CCM2: variants seen among roughly 807,000 people sequenced by gnomAD.
The protein encoded by CCM2 is CCM2 scaffold protein, also known as cerebral cavernous malformations 2 protein.
In CCM2, 25 loss-of-function variants were observed where a neutral mutation model predicts 44.9. That is an observed-to-expected ratio of 0.56 (90% CI 0.41 to 0.78). CCM2 has a LOEUF of 0.78. Ranked by LOEUF, CCM2 falls within the 30% of genes least tolerant of loss-of-function variation. The probability of loss-of-function intolerance (pLI) is 0.00; values close to 1 mark genes in which losing one functional copy is unlikely to be tolerated. For synonymous variants in CCM2, 219 were observed against 241.1 expected (o/e 0.91, Z 0.85); for missense variants, 481 against 580.6 (o/e 0.83, Z 1.76).
chr7:45,036,145 A>G (rs1797207551), intron 1 of CCM2, among the ~76,000 whole-genome samples: 1 of 152,002 alleles, frequency 6.6e-6, no homozygotes, highest in Non-Finnish European at 1.5e-5. Context: ...GAGAGCTGGC[A>G]AAGGGTGCGT....
chr7:45,051,163 G>T (rs1015886122), intron 2 of CCM2, among the ~76,000 whole-genome samples: 3 of 152,102 alleles, frequency 2.0e-5, no homozygotes, highest in Admixed American at 6.5e-5. Flanking sequence ...CTTCTCCAGA[G>T]GCATTTGGTC....
chr7:45,056,561 A>G (rs1037926566), intron 2 of CCM2, among the ~76,000 whole-genome samples: 3 of 152,180 alleles, frequency 2.0e-5, no homozygotes, highest in Non-Finnish European at 4.4e-5. Flanking sequence ...TTTGATTTGC[A>G]TTTCCCTAAT....
intron 9 of CCM2, among the ~76,000 whole-genome samples, chr7:45,074,946 G>A (rs879763456): frequency 1.1e-4 from 17 of 152,190 alleles, no homozygotes; most frequent in Non-Finnish European, 2.2e-4. Flanking sequence ...TCCCTCTGCC[G>A]ACACTTAGAA....
At chr7:45,024,100 C>T (rs113763739) in intron 1 of CCM2, among the ~76,000 whole-genome samples, 5,266 of 152,148 alleles carry the variant, frequency 0.035, 306 homozygotes, top group African/African-American at 0.12. Flanking sequence ...CATGAGCCAC[C>T]GCACCCGGCC....
At chr7:45,045,926 A>AT (rs1217819083) in intron 2 of CCM2, among the ~76,000 whole-genome samples, 1 of 152,260 alleles carries the variant, frequency 6.6e-6, no homozygotes, top group African/African-American at 2.4e-5. Context: ...ATCTTACAAA[A>AT]CATGAATAAG....
At chr7:45,030,118 C>G (rs188151764) in intron 1 of CCM2, among the ~76,000 whole-genome samples, 1 of 152,162 alleles carries the variant, frequency 6.6e-6, no homozygotes, top group Non-Finnish European at 1.5e-5. Flanking sequence ...TCAGGAGAGA[C>G]TTAGGCTGGG....
At chr7:45,056,498 TAAAAG>T (rs1798269538) in intron 2 of CCM2, among the ~76,000 whole-genome samples, 1 of 152,166 alleles carries the variant, frequency 6.6e-6, no homozygotes, top group African/African-American at 2.4e-5. Context: ...CCGTCACTAT[TAAAAG>T]AAAAAAGTAG....
At position 45,073,287 on chromosome 7, in the gene CCM2, A is replaced by G. The variant is rs760728489; in HGVS notation, c.804-173A>G. 140 of 643,152 alleles carry G rather than the reference A, an allele frequency of 2.2e-4. 1 individual carries two copies. Among genetic ancestry groups the G allele is most frequent in the Non-Finnish European group, 3.5e-4 (123 of 352,514 alleles). The allele number at this position is 643,152 out of a possible 1,614,324, so 39.8% of individuals were successfully genotyped here. ...CCCGGGGAGCCCCAGGACCAGGCCAAGCTGACCACCCTGCATGCCCAGTCA... is the reference window on the plus strand; with the variant it reads ...CCCGGGGAGCCCCAGGACCAGGCCAGGCTGACCACCCTGCATGCCCAGTCA... On this transcript the variant is annotated intron_variant, in intron 7 of 9. Coordinates refer to ENST00000258781, the MANE Select transcript of CCM2 (RefSeq NM_031443.4).
At chr7:45,051,797 G>A (rs1289338587) in intron 2 of CCM2, among the ~76,000 whole-genome samples, 3 of 151,930 alleles carry the variant, frequency 2.0e-5, no homozygotes, top group Non-Finnish European at 2.9e-5. Flanking sequence ...TCCTGACCTC[G>A]TGATCCGCCC....
intron 2 of CCM2, among the ~76,000 whole-genome samples, chr7:45,045,699 G>T (rs1475246673): frequency 1.3e-5 from 2 of 152,176 alleles, no homozygotes; most frequent in Non-Finnish European, 2.9e-5. Context: ...GCTGAGGCAG[G>T]AGAACAGCAT....
chr7:45,027,889 GC>G, intron 1 of CCM2: 1 of 1,359,602 alleles, frequency 7.4e-7, no homozygotes, highest in Non-Finnish European at 1.0e-6. Flanking sequence ...CCCAGGGCTT[GC>G]CCATTGTGAG....
chr7:45,047,379 A>G (rs1044505308), intron 2 of CCM2, among the ~76,000 whole-genome samples: 25 of 152,226 alleles, frequency 1.6e-4, no homozygotes, highest in Admixed American at 2.6e-4. Context: ...AGACTATTCA[A>G]TAATACAAAG....
In CCM2 at chr7:45,034,093, C is replaced by G. The variant is rs183155173; in HGVS notation, c.31-4160C>G. On this transcript the variant is annotated intron_variant, in intron 1 of 9. Transcript: ENST00000258781. ...GTCAGGGATTAAGGAGAATGAAGCCCGAAAGTGCCTTAGGGACATCCTGTC... is the reference window on the plus strand; with the variant it reads ...GTCAGGGATTAAGGAGAATGAAGCCGGAAAGTGCCTTAGGGACATCCTGTC... 8.9e-4 allele frequency among the ~76,000 whole-genome samples: 136 copies of G among 152,224 alleles called. 2 individuals are homozygous for G. The highest frequency in any genetic ancestry group is 3.2e-3 in the African/African-American group (133 of 41,520).
chr7:45,013,791 G>A (rs1214448997), intron 1 of CCM2, among the ~76,000 whole-genome samples: 3 of 152,144 alleles, frequency 2.0e-5, no homozygotes, highest in African/African-American at 7.2e-5. Flanking sequence ...TATTTTTGAA[G>A]ATTACAGATC....
intron 2 of CCM2, chr7:45,063,301 A>C (rs543935187): frequency 6.5e-6 from 1 of 153,704 alleles, no homozygotes; most frequent in Non-Finnish European, 1.4e-5. Context: ...CGAACTCCCA[A>C]CCTCAGGTGA....
intron 1 of CCM2, among the ~76,000 whole-genome samples, chr7:45,002,750 C>T (rs545684946): frequency 2.0e-5 from 3 of 152,180 alleles, no homozygotes; most frequent in South Asian, 2.1e-4. Context: ...GGCCATGGTT[C>T]GTTTAACAAA....
intron 4 of CCM2, among the ~76,000 whole-genome samples, chr7:45,066,359 C>G (rs1798773165): frequency 6.6e-6 from 1 of 152,200 alleles, no homozygotes; most frequent in South Asian, 2.1e-4. Flanking sequence ...GTTGCCCACG[C>G]TGGTCTTGAA....
At chr7:45,015,244 C>CT (rs1562861468) in intron 1 of CCM2, among the ~76,000 whole-genome samples, 1 of 152,158 alleles carries the variant, frequency 6.6e-6, no homozygotes, top group African/African-American at 2.4e-5. Flanking sequence ...AGTCATACCC[C>CT]TTTCCACATT....
chr7:45,032,956 G>C (rs1196692435), intron 1 of CCM2, among the ~76,000 whole-genome samples: 1 of 143,198 alleles, frequency 7.0e-6, no homozygotes, highest in Non-Finnish European at 1.5e-5. Context: ...CAGGAGAATT[G>C]CTTGAACCGG....
Sources: allele counts gnomAD v4.1 joint callset (sites outside exome capture counted in the v4.1 genomes callset), GRCh38; gene constraint gnomAD v4.1.1; transcripts MANE v1.5; gene names NCBI Gene and HGNC (gene_info 2026-07-23, HGNC 2026-07-21).